The following CNTNAP2 variants were observed in gnomAD, a reference collection of about 807,000 sequenced individuals.
CNTNAP2 encodes contactin-associated protein-like 2.
A neutral mutation model predicts 155.2 loss-of-function variants in CNTNAP2; 98 were observed. The observed-to-expected ratio is 0.63, with a 90% CI of 0.54 to 0.75. The LOEUF (loss-of-function observed/expected upper bound fraction) is 0.75. Ranked by LOEUF, CNTNAP2 falls within the 30% of genes least tolerant of loss-of-function variation. CNTNAP2 has a pLI of 0.00. For synonymous variants in CNTNAP2, 651 were observed against 631.2 expected (o/e 1.03, Z -0.47); for missense variants, 1,727 against 1,688.1 (o/e 1.02, Z -0.40).
intron 13 of CNTNAP2, among the ~76,000 whole-genome samples, chr7:147,646,072 C>G (rs1274933924): frequency 6.6e-6 from 1 of 152,114 alleles, no homozygotes; most frequent in Non-Finnish European, 1.5e-5. Flanking sequence ...CTGTCCGCAC[C>G]AGAGTGCACA....
intron 8 of CNTNAP2, among the ~76,000 whole-genome samples, chr7:147,299,445 TA>T (rs958225497): frequency 6.6e-6 from 1 of 150,774 alleles, no homozygotes; most frequent in Non-Finnish European, 1.5e-5. Context: ...TTTTTTTTTT[TA>T]ATACCATGTA....
At chr7:146,534,502 A>T (rs1797817028) in intron 1 of CNTNAP2, among the ~76,000 whole-genome samples, 1 of 152,134 alleles carries the variant, frequency 6.6e-6, no homozygotes, top group African/African-American at 2.4e-5. Flanking sequence ...AGAGTGTTGT[A>T]GAAATATGTC....
intron 11 of CNTNAP2, among the ~76,000 whole-genome samples, chr7:147,535,844 C>T (rs1799529032): frequency 6.6e-6 from 1 of 152,168 alleles, no homozygotes; most frequent in African/African-American, 2.4e-5. Flanking sequence ...TCCTAGTCTG[C>T]AGCAATGTAC....
At chr7:147,979,381 A>G (rs2116867214) in intron 15 of CNTNAP2, among the ~76,000 whole-genome samples, 1 of 152,360 alleles carries the variant, frequency 6.6e-6, no homozygotes, top group South Asian at 2.1e-4. Context: ...AAATATTATA[A>G]GAAATGAAAT....
At chr7:148,166,258 A>C (rs1428368041) in intron 17 of CNTNAP2, among the ~76,000 whole-genome samples, 3 of 152,148 alleles carry the variant, frequency 2.0e-5, no homozygotes, top group Non-Finnish European at 4.4e-5. Context: ...AAGAACAGAG[A>C]CTTTTGTGTG....
intron 15 of CNTNAP2, among the ~76,000 whole-genome samples, chr7:148,100,280 C>T (rs1051095308): frequency 2.0e-5 from 3 of 152,102 alleles, no homozygotes; most frequent in East Asian, 1.9e-4. Context: ...AATCAATGAA[C>T]GAAACACCTA....
At chr7:147,809,442 GA>G (rs1284320693) in intron 13 of CNTNAP2, among the ~76,000 whole-genome samples, 1 of 152,058 alleles carries the variant, frequency 6.6e-6, no homozygotes, top group Non-Finnish European at 1.5e-5. Context: ...ATCAGATATG[GA>G]AAGGAAAACA....
In CNTNAP2 at chr7:147,711,052, A is replaced by G. The variant is rs143463128; in HGVS notation, c.2098+71746A>G. Among the ~76,000 whole-genome samples, 11 of 152,310 alleles carry G rather than the reference A, an allele frequency of 7.2e-5. No individual in the cohort carries two copies. The East Asian group carries it at 2.1e-3, about 29-fold the overall frequency. ...TTCTCGTAATACAGCACATCCCAGG[A>G]TTAATTAAGAGATTTCCGGAAGTCT... is the stretch of plus-strand genomic sequence containing the variant. On this transcript the variant is annotated intron_variant, in intron 13 of 23. Coordinates refer to ENST00000361727, the MANE Select transcript of CNTNAP2 (RefSeq NM_014141.6).
intron 3 of CNTNAP2, among the ~76,000 whole-genome samples, chr7:146,935,509 C>A (rs1179949806): frequency 1.3e-5 from 2 of 152,190 alleles, no homozygotes; most frequent in Non-Finnish European, 2.9e-5. Flanking sequence ...GGCCTTCACT[C>A]TTCTAGAAGG....
intron 8 of CNTNAP2, among the ~76,000 whole-genome samples, chr7:147,149,004 T>A (rs1178972324): frequency 6.6e-6 from 1 of 152,174 alleles, no homozygotes; most frequent in Non-Finnish European, 1.5e-5. Flanking sequence ...GAACACATCT[T>A]CCACAGCATG....
chr7:147,586,237 C>A (rs180725100), intron 12 of CNTNAP2, among the ~76,000 whole-genome samples: 254 of 152,098 alleles, frequency 1.7e-3, no homozygotes, highest in African/African-American at 5.8e-3. Flanking sequence ...AGGTAACAGG[C>A]TTCAGAGAAA....
At chr7:147,128,623 G>A (rs1026046848) in intron 6 of CNTNAP2, 70 bp from the exon 7 acceptor site, 6 of 1,563,560 alleles carry the variant, frequency 3.8e-6, no homozygotes, top group Non-Finnish European at 5.3e-6. Flanking sequence ...GACCTTCACT[G>A]TATTCATAGT....
At chr7:147,676,946 T>C (rs1207919264) in intron 13 of CNTNAP2, among the ~76,000 whole-genome samples, 1 of 151,974 alleles carries the variant, frequency 6.6e-6, no homozygotes, top group Non-Finnish European at 1.5e-5. Flanking sequence ...CCATCTCAGC[T>C]GTTGTGAATA....
chr7:148,312,448 AG>A (rs1797612034), intron 21 of CNTNAP2, among the ~76,000 whole-genome samples: 1 of 152,232 alleles, frequency 6.6e-6, no homozygotes, highest in Non-Finnish European at 1.5e-5. Context: ...TAATTTGCTG[AG>A]CCTGATGGGT....
intron 11 of CNTNAP2, among the ~76,000 whole-genome samples, chr7:147,527,424 G>A (rs944571189): frequency 6.6e-6 from 1 of 152,104 alleles, no homozygotes; most frequent in Non-Finnish European, 1.5e-5. Flanking sequence ...CTGCAAAATT[G>A]GAAATGCAGC....
intron 1 of CNTNAP2, among the ~76,000 whole-genome samples, chr7:146,356,052 TAC>T (rs68125550): frequency 0.035 from 5,039 of 143,930 alleles, 94 homozygotes; most frequent in South Asian, 0.071. Flanking sequence ...TACATACGAA[TAC>T]ACACACACAC....
At chr7:146,693,731 A>AT (rs1373584555) in intron 1 of CNTNAP2, among the ~76,000 whole-genome samples, 1 of 152,042 alleles carries the variant, frequency 6.6e-6, no homozygotes, top group Non-Finnish European at 1.5e-5. Context: ...GTAATTATTG[A>AT]TTTTTATTTT....
In CNTNAP2 at chr7:147,166,723, C is replaced by T. The variant is rs188088366; in HGVS notation, c.1348+34214C>T. On this transcript the variant is annotated intron_variant, in intron 8 of 23. Transcript: ENST00000361727. ...TGGGTAGGTAAAGGAAAATTACAGT[C>T]AAAGGGGGGTTTCTCTGGTGGGCAG... is the stretch of plus-strand genomic sequence containing the variant. Among the ~76,000 whole-genome samples the T allele has an allele frequency of 1.9e-3, 284 of 151,666 alleles. 1 individual carries two copies. Among genetic ancestry groups the T allele is most frequent in the African/African-American group, 6.6e-3 (271 of 41,292 alleles).
chr7:146,339,304 A>G (rs763899360), intron 1 of CNTNAP2, among the ~76,000 whole-genome samples: 4 of 152,174 alleles, frequency 2.6e-5, no homozygotes, highest in Non-Finnish European at 5.9e-5. Context: ...GGGCTTGCAG[A>G]GGAATAAATT....
Sources: allele counts gnomAD v4.1 joint callset (sites outside exome capture counted in the v4.1 genomes callset), GRCh38; gene constraint gnomAD v4.1.1; transcripts MANE v1.5; gene names NCBI Gene and HGNC (gene_info 2026-07-23, HGNC 2026-07-21).